Variants in APOBEC3C observed in about 807,000 individuals in gnomAD.
APOBEC3C encodes DNA dC->dU-editing enzyme APOBEC-3C.
APOBEC3C carries 14 observed loss-of-function variants against 20.6 expected under a neutral mutation model. That is an observed-to-expected ratio of 0.68 (90% CI 0.45 to 1.06). The LOEUF is 1.06. APOBEC3C is among the 50% of genes least tolerant of loss of function. APOBEC3C has a pLI of 0.00. For missense variants in APOBEC3C, 244 were observed against 241.9 expected (o/e 1.01, Z -0.06); for synonymous variants, 98 against 88.8 (o/e 1.10, Z -0.58).
chr22:39,017,476 A>C (rs1324380932), intron 2 of APOBEC3C, among the ~76,000 whole-genome samples: 1 of 151,984 alleles, frequency 6.6e-6, no homozygotes, highest in Non-Finnish European at 1.5e-5. Flanking sequence ...CGTCTCTAAA[A>C]AAATTATTTA....
In APOBEC3C at chr22:39,018,082, G is replaced by A. The variant is rs114667260; in HGVS notation, c.454+37G>A. On this transcript the variant is annotated intron_variant, in intron 3 of 3. Coordinates refer to ENST00000361441, the MANE Select transcript of APOBEC3C (RefSeq NM_014508.3). ...GGGGCTGAGGAGAGTGGGTGCAGGA[G>A]GGACAGCATGAGGGGCAGATGGTTC... 0.01 allele frequency: 16,301 copies of A among 1,607,044 alleles called. 1,433 individuals carry two copies. The African/African-American group carries it at 0.19, about 19-fold the overall frequency.
At chr22:39,016,274 A>G (rs1924781071) in intron 2 of APOBEC3C, among the ~76,000 whole-genome samples, 1 of 149,164 alleles carries the variant, frequency 6.7e-6, no homozygotes, top group African/African-American at 2.5e-5. Flanking sequence ...ATCTCAGCTC[A>G]CTGCAAGCTC....
rs61235720 is a variant in APOBEC3C, at chr22:39,019,798, C to CTTTTTTTTTTTTT, written c.*1423_*1435dup. On this transcript the variant is annotated 3_prime_UTR_variant, in exon 4 of 4. Coordinates refer to ENST00000361441, the MANE Select transcript of APOBEC3C (RefSeq NM_014508.3). ...GGATCTCTCTGCCTCCAAATATCATCTTTTTTTTTTTTTTTTTTTTTTTTG... is the reference window on the plus strand; with the variant it reads ...GGATCTCTCTGCCTCCAAATATCATCTTTTTTTTTTTTTTTTTTTTTTTTTTTTTTTTTTTTTG... The CTTTTTTTTTTTTT allele has an allele frequency of 1.2e-5, 1 of 81,268 alleles. No homozygotes were observed. Among genetic ancestry groups the CTTTTTTTTTTTTT allele is most frequent in the African/African-American group, 5.2e-5 (1 of 19,348 alleles). 5.0% of individuals were successfully genotyped at this position (81,268 alleles called of 1,614,324 possible). A position where few individuals can be genotyped will look rare whatever the true frequency, so the allele number is the denominator to read the frequency against.
Position 39,015,649 on chromosome 22 carries a change from A to ATGGG in APOBEC3C, c.73_76dup (p.Glu26ValfsTer38), listed in dbSNP as rs778479851. 1 of 1,614,116 alleles carries ATGGG rather than the reference A, an allele frequency of 6.2e-7. No homozygotes were observed. The highest frequency in any genetic ancestry group is 2.2e-5 in the East Asian group (1 of 44,872). ...CATTCTACTTCCAATTTAAAAACCTATGGGAAGCCAACGATCGGAACGAAA... is the reference window on the plus strand; with the variant it reads ...CATTCTACTTCCAATTTAAAAACCTATGGGTGGGAAGCCAACGATCGGAACGAAA... On this transcript the variant is annotated frameshift_variant, in exon 2 of 4. Coordinates refer to ENST00000361441, the MANE Select transcript of APOBEC3C (RefSeq NM_014508.3). LOFTEE classifies it high-confidence loss of function.
At chr22:39,016,372 T>C (rs1938881574) in intron 2 of APOBEC3C, among the ~76,000 whole-genome samples, 1 of 100,774 alleles carries the variant, frequency 9.9e-6, no homozygotes, top group Non-Finnish European at 2.0e-5. Flanking sequence ...GCTAATTTTT[T>C]CTTTTTTTCT....
intron 3 of APOBEC3C, 105 bp from the exon 4 acceptor site, chr22:39,018,164 G>A (rs946553279): frequency 2.5e-5 from 39 of 1,567,982 alleles, no homozygotes; most frequent in African/African-American, 2.3e-4. Context: ...CCGGGCCAGC[G>A]CCCACTGCAA....
rs199992398 is a variant in APOBEC3C, at chr22:39,017,841, A to G, written c.250A>G (p.Thr84Ala). 8 of 1,614,072 alleles carry G rather than the reference A, an allele frequency of 5.0e-6. No homozygotes were observed. In the East Asian group the frequency reaches 6.7e-5, roughly 13 times the overall value. Residue 84 changes from threonine to alanine, a missense_variant, in exon 3 of 4, where the codon ACA (threonine) becomes GCA (alanine). By Grantham distance (58) the Thr-to-Ala change is moderately conservative (BLOSUM62 0). Coordinates refer to ENST00000361441, the MANE Select transcript of APOBEC3C (RefSeq NM_014508.3). ...CTGCGACGACATACTGTCTCCTAAC[A>G]CAAAGTACCAGGTCACCTGGTACAC... Reference protein sequence around the residue: ...WFCDDILSPNTKYQVTWYTSW... With the variant: ...WFCDDILSPNAKYQVTWYTSW...
Position 39,015,645 on chromosome 22 carries a change from A to G in APOBEC3C, c.68A>G (p.Asn23Ser), listed in dbSNP as rs536025533. ...GGCACATTCTACTTCCAATTTAAAA[A>G]CCTATGGGAAGCCAACGATCGGAAC... ...YPGTFYFQFK[N>S]LWEANDRNET... is the part of the protein sequence containing the mutation. The change falls in exon 2 of 4, where the codon AAC becomes AGC. Residue 23 changes from asparagine to serine, a missense_variant. Transcript: ENST00000361441. The G allele has an allele frequency of 2.5e-6, 4 of 1,613,964 alleles. No individual in the cohort carries two copies. In the African/African-American group the frequency reaches 4.0e-5, roughly 16 times the overall value.
chr22:39,018,638 G>A lies in APOBEC3C; in HGVS notation c.*251G>A, dbSNP rs1056282991. ...CAGACCCCGTTCCTCCAGCCTGCGT[G>A]CCCCTAACCTGGCTTTTCCCATCTC... On this transcript the variant is annotated 3_prime_UTR_variant, in exon 4 of 4. Coordinates refer to ENST00000361441, the MANE Select transcript of APOBEC3C (RefSeq NM_014508.3). 15 of 358,412 alleles carry A rather than the reference G, an allele frequency of 4.2e-5. No homozygotes were observed. Among genetic ancestry groups the A allele is most frequent in the Non-Finnish European group, 6.6e-5 (13 of 196,408 alleles). The allele number at this position is 358,412 out of a possible 1,614,324, so 22.2% of individuals were successfully genotyped here.
chr22:39,015,753 T>G lies in APOBEC3C; in HGVS notation c.174+2T>G, dbSNP rs369034007. On this transcript the variant is annotated splice_donor_variant, in intron 2 of 3. Coordinates refer to ENST00000361441, the MANE Select transcript of APOBEC3C (RefSeq NM_014508.3). LOFTEE classifies it high-confidence loss of function. ...AAGACGGGCGTCTTCCGAAACCAGG[T>G]AGCACCAAAGTCCTAGTTACACCCT... is the stretch of plus-strand genomic sequence containing the variant. The G allele has an allele frequency of 2.9e-5, 47 of 1,613,068 alleles. No individual in the cohort carries two copies. Among genetic ancestry groups the G allele is most frequent in the Non-Finnish European group, 3.8e-5 (45 of 1,179,672 alleles).
At position 39,018,461 on chromosome 22, in the gene APOBEC3C, G is replaced by C; in HGVS notation, c.*74G>C. 1 of 1,532,872 alleles carries C rather than the reference G, an allele frequency of 6.5e-7. No homozygotes were observed. The highest frequency in any genetic ancestry group is 8.9e-7 in the Non-Finnish European group (1 of 1,126,412). The allele number at this position is 1,532,872 out of a possible 1,614,324, so 95.0% of individuals were successfully genotyped here. A position where few individuals can be genotyped will look rare whatever the true frequency, so the allele number is the denominator to read the frequency against. On this transcript the variant is annotated 3_prime_UTR_variant, in exon 4 of 4. Transcript: ENST00000361441. ...GCTGCACGGGCCTCCCCTCCACCCT[G>C]GACCCGCTCTGTTTCTGCCTGGTCA...
rs1179897691 is a variant in APOBEC3C at position 39,014,334 on chromosome 22, C to G, written c.-29C>G. The G allele has an allele frequency of 6.2e-7, 1 of 1,614,150 alleles. No individual in the cohort carries two copies. The highest frequency in any genetic ancestry group is 8.5e-7 in the Non-Finnish European group (1 of 1,179,982). The stretch of plus-strand genomic sequence containing the variant: ...CACAGCGCTTCAGAAAAGAGTGGGA[C>G]AGGGACAAGCATATCTAAGAGGCTG... On this transcript the variant is annotated 5_prime_UTR_variant, in exon 1 of 4. Coordinates refer to ENST00000361441, the MANE Select transcript of APOBEC3C (RefSeq NM_014508.3).
chr22:39,018,151 G>A, intron 3 of APOBEC3C, 106 bp downstream of exon 3: 1 of 1,572,918 alleles, frequency 6.4e-7, no homozygotes, highest in Non-Finnish European at 8.6e-7. Flanking sequence ...GTGTCTGTGG[G>A]GACCGGGCCA....
intron 3 of APOBEC3C, 26 bp downstream of exon 3, chr22:39,018,071 TG>T (rs1569050399): frequency 6.2e-7 from 1 of 1,610,554 alleles, no homozygotes; most frequent in South Asian, 1.1e-5. Context: ...CTGAGGAGAG[TG>T]GGTGCAGGAG....
chr22:39,015,579 T>A lies in APOBEC3C; in HGVS notation c.18-16T>A, dbSNP rs747545111. 6.2e-7 allele frequency: 1 copy of A among 1,612,568 alleles called. No homozygotes were observed. The highest frequency in any genetic ancestry group is 1.7e-5 in the Admixed American group (1 of 59,846). On this transcript the variant is annotated splice_polypyrimidine_tract_variant and intron_variant, in intron 1 of 3. Transcript: ENST00000361441. ...GCGGGGGTCTCTGCATTGGGGTTTC[T>A]CTCTTGTGCCTTCAGAAACCCGATG...
intron 1 of APOBEC3C, 24 bp from the exon 2 acceptor site, chr22:39,015,571 G>A (rs1458780528): frequency 6.2e-7 from 1 of 1,611,438 alleles, no homozygotes; most frequent in African/African-American, 1.3e-5. Flanking sequence ...TCTCTGCATT[G>A]GGGTTTCTCT....
rs547490002 is a variant in APOBEC3C, at chr22:39,018,061, C to T, written c.454+16C>T. 1.9e-6 allele frequency: 3 copies of T among 1,612,714 alleles called. No homozygotes were observed. The Admixed American group carries it at 5.0e-5, about 27-fold the overall frequency. On this transcript the variant is annotated intron_variant, in intron 3 of 3. Transcript: ENST00000361441. ...GACTATGAAGGTGAGACGTGGGGGG[C>T]TGAGGAGAGTGGGTGCAGGAGGGAC...
chr22:39,018,040 A>C lies in APOBEC3C; in HGVS notation c.449A>C (p.Tyr150Ser). The C allele has an allele frequency of 6.2e-7, 1 of 1,613,952 alleles. No individual in the cohort carries two copies. The highest frequency in any genetic ancestry group is 8.5e-7 in the Non-Finnish European group (1 of 1,179,874). Residue 150 changes from tyrosine to serine, a missense_variant, in exon 3 of 4, where the codon TAT becomes TCT. Tyr to Ser is a moderately radical substitution (Grantham distance 144, BLOSUM62 -2). Transcript: ENST00000361441. ...QEGVAVEIMD[Y>S]EDFKYCWENF... ...GGGGTCGCTGTGGAGATCATGGACTATGAAGGTGAGACGTGGGGGGCTGAG... is the reference window on the plus strand; with the variant it reads ...GGGGTCGCTGTGGAGATCATGGACTCTGAAGGTGAGACGTGGGGGGCTGAG...
rs375874056 is a variant in APOBEC3C, at chr22:39,018,299, A to G, written c.485A>G (p.Tyr162Cys). Residue 162 changes from tyrosine (Y) to cysteine (C), a missense_variant, in exon 4 of 4, where the codon TAC (tyrosine) becomes TGC (cysteine). Physicochemically the swap from Tyr to Cys is radical, Grantham distance 194. Transcript: ENST00000361441. ...AAATATTGTTGGGAAAACTTTGTGT[A>G]CAATGATAATGAGCCATTCAAGCCT... is the stretch of plus-strand genomic sequence containing the variant. ...DFKYCWENFVYNDNEPFKPWK... is the reference protein window; with the variant it reads ...DFKYCWENFVCNDNEPFKPWK... 3.7e-6 allele frequency: 6 copies of G among 1,613,844 alleles called. No homozygotes were observed. The highest frequency in any genetic ancestry group is 3.4e-6 in the Non-Finnish European group (4 of 1,179,940).
Sources: gnomAD v4.1 joint callset for allele counts (sites outside exome capture counted in the v4.1 genomes callset) on GRCh38, gnomAD v4.1.1 for gene constraint, MANE v1.5 for transcripts, NCBI Gene and HGNC (gene_info 2026-07-23, HGNC 2026-07-21) for gene names.